ATXN1: variants seen among roughly 807,000 people sequenced by gnomAD.
The protein encoded by ATXN1 is ataxin-1.
Under a neutral mutation model 56.4 loss-of-function variants are expected in ATXN1, and 8 were observed. That is an observed-to-expected ratio of 0.14 (90% CI 0.08 to 0.26). ATXN1 has a LOEUF of 0.26. Ranked by LOEUF, ATXN1 falls within the 10% of genes least tolerant of loss-of-function variation. The probability of loss-of-function intolerance (pLI) is 1.00; values close to 1 mark genes in which losing one functional copy is unlikely to be tolerated. For synonymous variants in ATXN1, 514 were observed against 494.6 expected, an observed-to-expected ratio of 1.04 and a Z score of -0.52; for missense variants, 987 against 1,106.5, an observed-to-expected ratio of 0.89 and a Z score of 1.53.
intron 6 of ATXN1, among the ~76,000 whole-genome samples, chr6:16,360,008 C>T (rs1312737050): frequency 2.6e-5 from 4 of 152,072 alleles, no homozygotes; most frequent in Admixed American, 6.5e-5. Flanking sequence ...TCTCAGAAAT[C>T]ACCACCGAAG....
At chr6:16,631,150 G>A (rs144292130) in intron 3 of ATXN1, among the ~76,000 whole-genome samples, 192 of 152,332 alleles carry the variant, frequency 1.3e-3, no homozygotes, top group African/African-American at 4.4e-3. Context: ...TTTTAAAGCT[G>A]AGAAAACAGA....
intron 6 of ATXN1, among the ~76,000 whole-genome samples, chr6:16,350,702 A>T (rs1208494492): frequency 2.0e-5 from 3 of 152,192 alleles, no homozygotes; most frequent in African/African-American, 7.2e-5. Flanking sequence ...TCTATGTGAT[A>T]TCTGATAGTG....
chr6:16,663,493 G>C (rs1174944034), intron 2 of ATXN1, among the ~76,000 whole-genome samples: 1 of 152,044 alleles, frequency 6.6e-6, no homozygotes, highest in Non-Finnish European at 1.5e-5. Flanking sequence ...AAATACAGAA[G>C]GAGAAAGAAA....
intron 6 of ATXN1, among the ~76,000 whole-genome samples, chr6:16,395,287 A>AAAC (rs1248172752): frequency 6.6e-6 from 1 of 150,954 alleles, no homozygotes; most frequent in African/African-American, 2.4e-5. Flanking sequence ...AAAAAAAAAA[A>AAAC]AAAACAAGAA....
chr6:16,476,509 G>A (rs1332558069), intron 6 of ATXN1, among the ~76,000 whole-genome samples: 1 of 149,900 alleles, frequency 6.7e-6, no homozygotes, highest in Non-Finnish European at 1.5e-5. Context: ...TGAATTAACA[G>A]TTATATAATA....
intron 3 of ATXN1, among the ~76,000 whole-genome samples, chr6:16,588,042 A>G (rs1235335864): frequency 7.6e-6 from 1 of 130,868 alleles, no homozygotes; most frequent in African/African-American, 2.8e-5. Context: ...GTTTTCTGGA[A>G]ATCTAAGCAG....
intron 6 of ATXN1, among the ~76,000 whole-genome samples, chr6:16,395,125 G>T (rs2113526929): frequency 6.6e-6 from 1 of 151,990 alleles, no homozygotes; most frequent in South Asian, 2.1e-4. Context: ...TACAAAATTA[G>T]CTGGGCATGG....
chr6:16,385,331 G>A (rs935404201), intron 6 of ATXN1, among the ~76,000 whole-genome samples: 4 of 152,212 alleles, frequency 2.6e-5, no homozygotes, highest in African/African-American at 9.6e-5. Context: ...TGGATGAGAA[G>A]GGACCAGGTT....
At chr6:16,360,959 A>T (rs535807274) in intron 6 of ATXN1, among the ~76,000 whole-genome samples, 27 of 152,356 alleles carry the variant, frequency 1.8e-4, no homozygotes, top group African/African-American at 6.5e-4. Context: ...CTAGCAAGTG[A>T]GAAAGTCTTT....
intron 6 of ATXN1, among the ~76,000 whole-genome samples, chr6:16,394,782 GC>G (rs1758419311): frequency 6.6e-6 from 1 of 152,154 alleles, no homozygotes; most frequent in South Asian, 2.1e-4. Flanking sequence ...AGAGTAGACA[GC>G]CAGTCCAAAG....
intron 2 of ATXN1, among the ~76,000 whole-genome samples, chr6:16,678,992 C>T (rs1180706804): frequency 3.3e-5 from 5 of 151,188 alleles, no homozygotes; most frequent in Admixed American, 6.6e-5. Flanking sequence ...GCCGAGATCA[C>T]GCCACTGCAC....
intron 6 of ATXN1, among the ~76,000 whole-genome samples, chr6:16,420,001 T>A (rs1188163421): frequency 6.6e-6 from 1 of 152,286 alleles, no homozygotes; most frequent in South Asian, 2.1e-4. Flanking sequence ...ATACAAAGAC[T>A]GGGGATGGGG....
intron 4 of ATXN1, among the ~76,000 whole-genome samples, chr6:16,571,796 G>C (rs1762336847): frequency 6.6e-6 from 1 of 152,078 alleles, no homozygotes; most frequent in African/African-American, 2.4e-5. Context: ...AAGTAGCTAG[G>C]ACTACAGGCT....
intron 3 of ATXN1, among the ~76,000 whole-genome samples, chr6:16,625,973 C>G (rs143418496): frequency 1.3e-5 from 2 of 152,080 alleles, no homozygotes; most frequent in African/African-American, 2.4e-5. Flanking sequence ...AGTGATTGTA[C>G]TAAGGTATAG....
At chr6:16,325,290 G>A (rs540688007) in intron 7 of ATXN1, among the ~76,000 whole-genome samples, 32 of 151,852 alleles carry the variant, frequency 2.1e-4, no homozygotes, top group Non-Finnish European at 4.6e-4. Context: ...GCTAATTTTT[G>A]TATTTTTAGT....
At chr6:16,318,472 G>A (rs1450241405) in intron 7 of ATXN1, among the ~76,000 whole-genome samples, 6 of 152,140 alleles carry the variant, frequency 3.9e-5, no homozygotes, top group African/African-American at 1.2e-4. Context: ...GCATGGTTAC[G>A]TTCTCAGCAT....
chr6:16,599,495 G>A (rs1762875890), intron 3 of ATXN1, among the ~76,000 whole-genome samples: 1 of 151,858 alleles, frequency 6.6e-6, no homozygotes, highest in Admixed American at 6.6e-5. Context: ...AGCGGATCAT[G>A]AGGTCAGAAG....
At chr6:16,509,785 G>A (rs989876947) in intron 5 of ATXN1, among the ~76,000 whole-genome samples, 1 of 152,080 alleles carries the variant, frequency 6.6e-6, no homozygotes. Context: ...CCTGAATTAA[G>A]TCCAGAGTTT....
chr6:16,573,121 T>C lies in ATXN1; in HGVS notation c.-361+12659A>G, dbSNP rs575721301. Among the ~76,000 whole-genome samples, 36 of 152,312 alleles carry C rather than the reference T, an allele frequency of 2.4e-4. 1 individual carries two copies. The South Asian group carries it at 2.9e-3, about 12-fold the overall frequency. On this transcript the variant is annotated intron_variant, in intron 4 of 7. Transcript: ENST00000436367. ...CTCCTTAAGTAGGCTGACCTGGCCA[T>C]TCATTCAGTCTAGCCTAAGCCACAG...
Sources: gnomAD v4.1 joint callset for allele counts (sites outside exome capture counted in the v4.1 genomes callset) on GRCh38, gnomAD v4.1.1 for gene constraint, MANE v1.5 for transcripts, NCBI Gene and HGNC (gene_info 2026-07-23, HGNC 2026-07-21) for gene names.